ROPN1: variants seen among roughly 807,000 people sequenced by gnomAD.
The protein encoded by ROPN1 is rhophilin associated tail protein 1, also known as ropporin-1A.
ROPN1 carries 14 observed loss-of-function variants against 20.5 expected under a neutral mutation model. The observed-to-expected ratio is 0.68, with a 90% confidence interval of 0.45 to 1.07. The LOEUF is 1.07. Ranked by LOEUF, ROPN1 falls within the 50% of genes least tolerant of loss-of-function variation. The probability of loss-of-function intolerance (pLI) is 0.00; values close to 1 mark genes in which losing one functional copy is unlikely to be tolerated. For missense variants in ROPN1, 169 were observed against 242.8 expected (o/e 0.70, Z 2.02); for synonymous variants, 76 against 95.7 (o/e 0.79, Z 1.20).
intron 2 of ROPN1, 184 bp downstream of exon 2, chr3:123,980,182 T>C: frequency 1.6e-6 from 1 of 637,670 alleles, no homozygotes; most frequent in Non-Finnish European, 2.8e-6. Flanking sequence ...ATCCCATCCT[T>C]GCCCAGCTAG....
chr3:123,971,588 G>C (rs955558770), intron 4 of ROPN1, among the ~76,000 whole-genome samples: 1 of 152,152 alleles, frequency 6.6e-6, no homozygotes, highest in Non-Finnish European at 1.5e-5. Flanking sequence ...GCAGGTGGGA[G>C]GGCAGGCATG....
chr3:123,985,860 A>G (rs2149001435), intron 1 of ROPN1, among the ~76,000 whole-genome samples: 1 of 151,814 alleles, frequency 6.6e-6, no homozygotes, highest in East Asian at 1.9e-4. Context: ...AAAAATACAA[A>G]AATTAGCCGG....
intron 4 of ROPN1, among the ~76,000 whole-genome samples, chr3:123,971,932 T>C (rs537192719): frequency 1.3e-5 from 2 of 152,124 alleles, no homozygotes; most frequent in Admixed American, 6.5e-5. Context: ...AAAATGAAGT[T>C]AGTAGGGTGT....
intron 3 of ROPN1, among the ~76,000 whole-genome samples, chr3:123,975,968 A>C (rs1213827739): frequency 6.6e-6 from 1 of 152,166 alleles, no homozygotes; most frequent in Non-Finnish European, 1.5e-5. Context: ...TCCCGATTGC[A>C]CTGAGTTCTT....
At chr3:123,979,538 CA>C (rs2038092546) in intron 2 of ROPN1, 2 of 389,526 alleles carry the variant, frequency 5.1e-6, no homozygotes, top group Non-Finnish European at 1.0e-5. Flanking sequence ...GTCCAAGGAG[CA>C]ATTTCATAGC....
chr3:123,985,100 G>T (rs1577374260), intron 1 of ROPN1, among the ~76,000 whole-genome samples: 1 of 152,176 alleles, frequency 6.6e-6, no homozygotes, highest in East Asian at 1.9e-4. Context: ...ACTTTTTATA[G>T]TAATACAAAA....
At position 123,970,220 on chromosome 3, in the gene ROPN1, A is replaced by G; in HGVS notation, c.397-3T>C. The G allele has an allele frequency of 1.2e-6, 2 of 1,611,820 alleles. No homozygotes were observed. Among genetic ancestry groups the G allele is most frequent in the East Asian group, 2.2e-5 (1 of 44,866 alleles). On this transcript the variant is annotated splice_region_variant and splice_polypyrimidine_tract_variant and intron_variant, in intron 4 of 5. Transcript: ENST00000405845. The stretch of plus-strand genomic sequence containing the variant: ...ATCTTGAGAGTTTTGGTAATAGTCT[A>G]TAAAAGTTAGATAAAATGAGGAGAA...
At chr3:123,976,524 T>G (rs2038026659) in intron 3 of ROPN1, among the ~76,000 whole-genome samples, 1 of 152,182 alleles carries the variant, frequency 6.6e-6, no homozygotes, top group Non-Finnish European at 1.5e-5. Context: ...AACTGTGATT[T>G]TCATCATATT....
chr3:123,971,159 C>T (rs1458260934), intron 4 of ROPN1, among the ~76,000 whole-genome samples: 3 of 152,102 alleles, frequency 2.0e-5, no homozygotes, highest in Admixed American at 2.0e-4. Flanking sequence ...GTAGAGGAGA[C>T]TTGTCCTGCC....
intron 1 of ROPN1, among the ~76,000 whole-genome samples, chr3:123,987,287 G>C (rs1267869774): frequency 6.6e-6 from 1 of 152,238 alleles, no homozygotes; most frequent in Non-Finnish European, 1.5e-5. Flanking sequence ...CAGAGCTGTT[G>C]TGGTTCAAAA....
At chr3:123,977,716 T>C (rs113369018) in intron 2 of ROPN1, among the ~76,000 whole-genome samples, 187 of 152,310 alleles carry the variant, frequency 1.2e-3, no homozygotes, top group African/African-American at 4.3e-3. Context: ...TTTGAGACAA[T>C]CTTAAGCTAT....
intron 1 of ROPN1, 127 bp from the exon 2 acceptor site, chr3:123,980,620 A>G: frequency 2.7e-6 from 2 of 731,842 alleles, no homozygotes; most frequent in Non-Finnish European, 2.2e-6. Flanking sequence ...AGACAAATGC[A>G]TTCTATTATT....
intron 1 of ROPN1, among the ~76,000 whole-genome samples, chr3:123,989,532 T>C (rs1435358265): frequency 2.6e-5 from 4 of 152,182 alleles, no homozygotes. Context: ...CTTAGGAATT[T>C]AGGTATGCTC....
chr3:123,977,525 G>T (rs530778134), intron 2 of ROPN1, among the ~76,000 whole-genome samples: 23 of 152,272 alleles, frequency 1.5e-4, no homozygotes, highest in Middle Eastern at 3.4e-3. Flanking sequence ...GGGTGACAGA[G>T]TGAGACCCCC....
intron 4 of ROPN1, among the ~76,000 whole-genome samples, chr3:123,971,654 A>G (rs2037921965): frequency 6.6e-6 from 1 of 152,054 alleles, no homozygotes; most frequent in Admixed American, 6.5e-5. Flanking sequence ...TGCATGTGAG[A>G]TGAGGTCAGT....
intron 1 of ROPN1, among the ~76,000 whole-genome samples, chr3:123,990,315 G>A (rs1236169820): frequency 6.6e-6 from 1 of 152,142 alleles, no homozygotes; most frequent in Non-Finnish European, 1.5e-5. Context: ...GGAGGAGGAA[G>A]AAGAGAAGGT....
intron 1 of ROPN1, among the ~76,000 whole-genome samples, chr3:123,983,063 A>G (rs1287653985): frequency 1.3e-5 from 2 of 152,178 alleles, no homozygotes; most frequent in East Asian, 3.9e-4. Flanking sequence ...ATCCATAGTC[A>G]GATGTGTTAC....
rs1349168030 is a variant in ROPN1 at position 123,980,916 on chromosome 3, G to A, written c.-12-423C>T. Among the ~76,000 whole-genome samples, 4 of 152,066 alleles carry A rather than the reference G, an allele frequency of 2.6e-5. No individual in the cohort carries two copies. In the East Asian group the frequency reaches 5.8e-4, roughly 22 times the overall value. Reference sequence around the variant, plus strand: ...CATGTCGTCCAGCACTTATTAGTTGGGTAAGAATTGTAGCAAAATTTACTC... The same window carrying A: ...CATGTCGTCCAGCACTTATTAGTTGAGTAAGAATTGTAGCAAAATTTACTC... On this transcript the variant is annotated intron_variant, in intron 1 of 5. Coordinates refer to ENST00000405845, the MANE Select transcript of ROPN1 (RefSeq NM_001317774.2).
chr3:123,981,920 CCCTT>C (rs747654753), intron 1 of ROPN1, among the ~76,000 whole-genome samples: 1 of 151,930 alleles, frequency 6.6e-6, no homozygotes, highest in Non-Finnish European at 1.5e-5. Context: ...ACAAACAAAA[CCCTT>C]CATCAGTCAA....
Sources: allele counts gnomAD v4.1 joint callset (sites outside exome capture counted in the v4.1 genomes callset), GRCh38; gene constraint gnomAD v4.1.1; transcripts MANE v1.5; gene names NCBI Gene and HGNC (gene_info 2026-07-23, HGNC 2026-07-21).